KLC1: variants seen among roughly 807,000 people sequenced by gnomAD.
The protein encoded by KLC1 is kinesin 2 60/70kDa.
Under a neutral mutation model 84.2 loss-of-function variants are expected in KLC1, and 30 were observed. The ratio of observed to expected loss-of-function variants is 0.36; its 90% CI spans 0.27 to 0.48. The LOEUF is 0.48. KLC1 is among the 20% of genes least tolerant of loss of function. KLC1 has a pLI of 0.99. For synonymous variants in KLC1, 289 were observed against 293.3 expected (o/e 0.99, Z 0.15); for missense variants, 499 against 805.4 (o/e 0.62, Z 4.60).
chr14:103,685,500 A>G, intron 13 of KLC1: 7 of 1,265,008 alleles, frequency 5.5e-6, no homozygotes, highest in Non-Finnish European at 7.2e-6. Flanking sequence ...GCAGAAGGTC[A>G]TCCCAGTCCT....
chr14:103,629,708 G>A (rs1595170104), intron 1 of KLC1, among the ~76,000 whole-genome samples: 1 of 152,174 alleles, frequency 6.6e-6, no homozygotes, highest in Non-Finnish European at 1.5e-5. Flanking sequence ...TTCAGGTCGG[G>A]TTCTTGTCCC....
chr14:103,665,919 TG>T (rs977245206), intron 5 of KLC1, among the ~76,000 whole-genome samples: 162 of 138,434 alleles, frequency 1.2e-3, no homozygotes, highest in Admixed American at 3.7e-3. Flanking sequence ...GTATGCATTG[TG>T]TTTTAATTTG....
At chr14:103,654,539 A>T in intron 1 of KLC1, 25 bp from the exon 2 acceptor site, 1 of 1,561,394 alleles carries the variant, frequency 6.4e-7, no homozygotes, top group Non-Finnish European at 8.6e-7. Flanking sequence ...GAGGGATCTA[A>T]TTTCTTTTTC....
chr14:103,676,049 C>T (rs1039758530), intron 11 of KLC1, among the ~76,000 whole-genome samples: 1 of 152,212 alleles, frequency 6.6e-6, no homozygotes, highest in South Asian at 2.1e-4. Context: ...GCCAGCAGGC[C>T]TGGGAAAGCC....
intron 5 of KLC1, among the ~76,000 whole-genome samples, chr14:103,668,480 C>CT (rs375553797): frequency 3.3e-4 from 49 of 149,758 alleles, no homozygotes; most frequent in Non-Finnish European, 5.5e-4. Flanking sequence ...TTTCTTTTTT[C>CT]TTTTTTTTTT....
chr14:103,675,306 C>G (rs57035047), intron 9 of KLC1, among the ~76,000 whole-genome samples: 2 of 152,304 alleles, frequency 1.3e-5, no homozygotes, highest in Admixed American at 6.5e-5. Context: ...GCCTGGGCAA[C>G]AGAGTGAGAC....
intron 5 of KLC1, among the ~76,000 whole-genome samples, chr14:103,667,811 A>T (rs2080003638): frequency 6.6e-6 from 1 of 152,234 alleles, no homozygotes; most frequent in African/African-American, 2.4e-5. Context: ...TTTTCAGGGG[A>T]AAGCCTTGCC....
chr14:103,673,270 T>G (rs1305581981), intron 8 of KLC1, 62 bp from the exon 9 acceptor site: 19 of 1,554,730 alleles, frequency 1.2e-5, no homozygotes, highest in Admixed American at 2.0e-5. Context: ...AACTGGAGAT[T>G]AAAATGTATG....
intron 13 of KLC1, among the ~76,000 whole-genome samples, chr14:103,679,990 G>A (rs2151763129): frequency 6.6e-6 from 1 of 152,318 alleles, no homozygotes; most frequent in South Asian, 2.1e-4. Flanking sequence ...AGTGGAATTT[G>A]TTTTTAGAAA....
At position 103,693,505 on chromosome 14, in the gene KLC1, T is replaced by G. The variant is rs781493795; in HGVS notation, c.1848+1080T>G. The G allele has an allele frequency of 2.7e-5, 42 of 1,535,336 alleles. No homozygotes were observed. In the African/African-American group the frequency reaches 5.6e-4, roughly 21 times the overall value. ...CTGAGGCCATTTGAAGCTGGCATCATTTGAAGTCCTGGTTAAGTGTAATTT... is the reference window on the plus strand; with the variant it reads ...CTGAGGCCATTTGAAGCTGGCATCAGTTGAAGTCCTGGTTAAGTGTAATTT... On this transcript the variant is annotated intron_variant, in intron 15 of 16. Coordinates refer to ENST00000334553, the MANE Select transcript of KLC1 (RefSeq NM_001394837.1). This position sits in a 1 kb window ranked among gnomAD's most constrained non-coding sequence, Gnocchi z 5.1.
chr14:103,699,254 A>G, intron 15 of KLC1: 1 of 1,539,768 alleles, frequency 6.5e-7, no homozygotes, highest in South Asian at 1.2e-5. Context: ...TGCTACCCGC[A>G]GGAGCCGGAG....
chr14:103,648,541 C>T (rs1320119542), intron 1 of KLC1, among the ~76,000 whole-genome samples: 3 of 151,454 alleles, frequency 2.0e-5, no homozygotes, highest in South Asian at 2.1e-4. Context: ...GCAGCACTTT[C>T]GGAGGGTGAA....
chr14:103,694,025 A>C lies in KLC1; in HGVS notation c.1848+1600A>C, dbSNP rs1290157540. 9.8e-7 allele frequency: 1 copy of C among 1,016,706 alleles called. No individual in the cohort carries two copies. Among genetic ancestry groups the C allele is most frequent in the African/African-American group, 1.7e-5 (1 of 58,220 alleles). 63.0% of individuals were successfully genotyped at this position (1,016,706 alleles called of 1,614,324 possible). ...CTGTAAATTAAGAATCTGGAAACAT[A>C]AAGTACCCCTTTCAGAACGATAGGC... On this transcript the variant is annotated intron_variant, in intron 15 of 16. Transcript: ENST00000334553. This position sits in a 1 kb window ranked among gnomAD's most constrained non-coding sequence, Gnocchi z 4.5.
At chr14:103,666,164 C>T (rs531676367) in intron 5 of KLC1, among the ~76,000 whole-genome samples, 139 of 151,712 alleles carry the variant, frequency 9.2e-4, no homozygotes, top group African/African-American at 3.2e-3. Context: ...CCCGGGTTCA[C>T]GCCATTCTCC....
intron 5 of KLC1, among the ~76,000 whole-genome samples, chr14:103,665,268 C>G (rs2079662404): frequency 6.6e-6 from 1 of 151,816 alleles, no homozygotes; most frequent in Non-Finnish European, 1.5e-5. Context: ...TCAGGCTGGT[C>G]TCAAACTCCT....
At chr14:103,695,677 T>C (rs1368022302) in intron 15 of KLC1, 8 of 985,318 alleles carry the variant, frequency 8.1e-6, no homozygotes, top group Non-Finnish European at 9.6e-6. Context: ...CTCTTCAGAC[T>C]GATGGGTGCA....
intron 2 of KLC1, among the ~76,000 whole-genome samples, chr14:103,657,342 G>A (rs532021843): frequency 2.0e-5 from 3 of 152,312 alleles, no homozygotes; most frequent in South Asian, 2.1e-4. Context: ...CATTCTGAGC[G>A]TGTGATATTC....
At chr14:103,672,414 T>G (rs1039802946) in intron 7 of KLC1, among the ~76,000 whole-genome samples, 1 of 152,156 alleles carries the variant, frequency 6.6e-6, no homozygotes, top group Non-Finnish European at 1.5e-5. Context: ...GACAAAGAAT[T>G]TATACTCTTG....
At chr14:103,697,398 C>T (rs2082630547) in intron 15 of KLC1, among the ~76,000 whole-genome samples, 2 of 152,036 alleles carry the variant, frequency 1.3e-5, no homozygotes, top group Non-Finnish European at 2.9e-5. Context: ...TAGGAGCACC[C>T]ACAGGCTCAC....
Sources: gnomAD v4.1 joint callset for allele counts (sites outside exome capture counted in the v4.1 genomes callset) on GRCh38, gnomAD v4.1.1 for gene constraint, Gnocchi (gnomAD v3.1) non-coding constraint, MANE v1.5 for transcripts, NCBI Gene and HGNC (gene_info 2026-07-23, HGNC 2026-07-21) for gene names.